The following NEK4 variants were observed in gnomAD, a reference collection of about 807,000 sequenced individuals.
The protein encoded by NEK4 is NIMA related kinase 4.
Under a neutral mutation model 98.4 loss-of-function variants are expected in NEK4, and 86 were observed. That is an observed-to-expected ratio of 0.87 (90% CI 0.73 to 1.05). The LOEUF is 1.05. Ranked by LOEUF, NEK4 falls within the 50% of genes least tolerant of loss-of-function variation. NEK4 has a pLI of 0.00. For synonymous variants in NEK4, 328 were observed against 342.2 expected (o/e 0.96, Z 0.46); for missense variants, 898 against 950.3 (o/e 0.94, Z 0.72).
intron 8 of NEK4, among the ~76,000 whole-genome samples, chr3:52,747,705 G>A (rs2097398630): frequency 6.6e-6 from 1 of 151,692 alleles, no homozygotes; most frequent in Non-Finnish European, 1.5e-5. Context: ...AACACTCTGG[G>A]AAGCCAAGTC....
At chr3:52,726,731 C>A (rs948983741) in intron 15 of NEK4, among the ~76,000 whole-genome samples, 4 of 151,808 alleles carry the variant, frequency 2.6e-5, no homozygotes, top group Non-Finnish European at 5.9e-5. Flanking sequence ...GATGGTGAAA[C>A]CCCGTCTCTA....
At chr3:52,741,322 T>C in intron 13 of NEK4, 89 bp downstream of exon 13, 1 of 732,486 alleles carries the variant, frequency 1.4e-6, no homozygotes, top group South Asian at 1.6e-5. Flanking sequence ...GTGGGAATAC[T>C]AGAGATCTAA....
intron 15 of NEK4, among the ~76,000 whole-genome samples, chr3:52,712,707 TC>T (rs1194445494): frequency 6.6e-6 from 1 of 152,094 alleles, no homozygotes; most frequent in African/African-American, 2.4e-5. Flanking sequence ...GACCGGGTTC[TC>T]CCCCAGCTAC....
chr3:52,770,077 G>T (rs1698719150), intron 1 of NEK4, among the ~76,000 whole-genome samples: 1 of 152,110 alleles, frequency 6.6e-6, no homozygotes, highest in South Asian at 2.1e-4. Flanking sequence ...ATCAGTGTTG[G>T]GGTGCGTGGG....
Position 52,763,562 on chromosome 3 carries a change from G to A in NEK4, c.729C>T (p.Ser243=). ...CAGACGGCCTTTCTTCAGGCCTTTT[G>A]CTCAGCATTGTTCTTATCAGTTCTG... ...ELAELIRTML[S]KRPEERPSVR... Residue 243 remains serine (S), a synonymous_variant, in exon 5 of 16, where the codon AGC becomes AGT. Coordinates refer to ENST00000233027, the MANE Select transcript of NEK4 (RefSeq NM_003157.6). 6.2e-7 allele frequency: 1 copy of A among 1,613,932 alleles called. No individual in the cohort carries two copies. Among genetic ancestry groups the A allele is most frequent in the Non-Finnish European group, 8.5e-7 (1 of 1,179,846 alleles).
chr3:52,747,454 C>CA (rs80245076), intron 8 of NEK4: 2,113 of 68,592 alleles, frequency 0.031, 16 homozygotes, highest in Middle Eastern at 0.066. Context: ...GACTCCATCT[C>CA]AAAAAAAAAA....
At chr3:52,751,595 T>C (rs2097405171) in intron 7 of NEK4, among the ~76,000 whole-genome samples, 1 of 151,010 alleles carries the variant, frequency 6.6e-6, no homozygotes, top group Non-Finnish European at 1.5e-5. Flanking sequence ...CAATCCAGCC[T>C]GGGAAACAAG....
intron 1 of NEK4, 98 bp downstream of exon 1, chr3:52,770,556 T>G: frequency 1.1e-6 from 1 of 877,296 alleles, no homozygotes; most frequent in African/African-American, 1.7e-5. Context: ...CCATCCGAGA[T>G]GAGCCTCTTG....
rs765561559 is a variant in NEK4, at chr3:52,743,384, G to A, written c.1972C>T (p.Arg658Ter). The A allele has an allele frequency of 8.1e-6, 13 of 1,613,920 alleles. No homozygotes were observed. The highest frequency in any genetic ancestry group is 4.0e-5 in the African/African-American group (3 of 74,908). The change falls in exon 12 of 16, where the codon CGA (arginine) becomes TGA (stop). Residue 658 changes from arginine to a stop codon, truncating the protein, a stop_gained. Coordinates refer to ENST00000233027, the MANE Select transcript of NEK4 (RefSeq NM_003157.6). LOFTEE classifies it high-confidence loss of function. ...PQEEDQPLPARRLSSDCSVTQ... is the reference protein window; with the variant it reads ...PQEEDQPLPA ...ACGCTGCAGTCAGAGGAGAGCCGTC[G>A]GGCAGGCAAGGGCTGGTCTTCTTCC...
intron 7 of NEK4, among the ~76,000 whole-genome samples, chr3:52,751,349 G>A (rs376900600): frequency 7.2e-5 from 11 of 151,878 alleles, no homozygotes; most frequent in African/African-American, 2.4e-4. Context: ...CCAGCTACTC[G>A]GGAGGCTGAC....
At position 52,743,372 on chromosome 3, in the gene NEK4, A is replaced by T; in HGVS notation, c.1984T>A (p.Ser662Thr). ...TGCACCTGAGTGACGCTGCAGTCAGAGGAGAGCCGTCGGGCAGGCAAGGGC... is the reference window on the plus strand; with the variant it reads ...TGCACCTGAGTGACGCTGCAGTCAGTGGAGAGCCGTCGGGCAGGCAAGGGC... The part of the protein sequence containing the change: ...DQPLPARRLS[S>T]DCSVTQERKQ... The change falls in exon 12 of 16, where the codon TCT (serine) becomes ACT (threonine). Residue 662 changes from serine (S) to threonine (T), a missense_variant. Physicochemically the swap from Ser to Thr is moderately conservative, Grantham distance 58. Coordinates refer to ENST00000233027, the MANE Select transcript of NEK4 (RefSeq NM_003157.6). 6.2e-7 allele frequency: 1 copy of T among 1,614,038 alleles called. No homozygotes were observed. The highest frequency in any genetic ancestry group is 8.5e-7 in the Non-Finnish European group (1 of 1,179,914).
intron 6 of NEK4, chr3:52,753,499 T>A (rs549330275): frequency 2.6e-4 from 113 of 430,750 alleles, no homozygotes; most frequent in African/African-American, 2.1e-3. Context: ...GACATACTAC[T>A]GAATTTCTTT....
intron 15 of NEK4, among the ~76,000 whole-genome samples, chr3:52,730,149 T>C (rs988145186): frequency 2.6e-5 from 4 of 152,120 alleles, no homozygotes; most frequent in African/African-American, 9.7e-5. Context: ...AAGAGAACTA[T>C]GAACAATTGT....
chr3:52,768,675 G>A (rs988683030), intron 1 of NEK4, 71 bp from the exon 2 acceptor site: 17 of 1,477,618 alleles, frequency 1.2e-5, no homozygotes, highest in African/African-American at 8.3e-5. Context: ...GTTATCTAAG[G>A]GCTCTCAAGA....
At chr3:52,747,875 G>A (rs2097398939) in intron 8 of NEK4, among the ~76,000 whole-genome samples, 1 of 151,924 alleles carries the variant, frequency 6.6e-6, no homozygotes, top group South Asian at 2.1e-4. Flanking sequence ...AGTCCAGGAG[G>A]TCAAGGCTAC....
intron 6 of NEK4, 41 bp downstream of exon 6, chr3:52,760,754 G>C: frequency 3.4e-6 from 5 of 1,470,548 alleles, no homozygotes; most frequent in Non-Finnish European, 4.7e-6. Flanking sequence ...ATTTTTCTAA[G>C]TGCAGTTTCT....
At position 52,741,475 on chromosome 3, in the gene NEK4, A is replaced by G. The variant is rs576529016; in HGVS notation, c.2029T>C (p.Ser677Pro). 7.5e-6 allele frequency: 12 copies of G among 1,607,526 alleles called. No individual in the cohort carries two copies. Among genetic ancestry groups the G allele is most frequent in the Admixed American group, 1.7e-5 (1 of 59,982 alleles). ...TQERKQIHCL[S>P]EDELSSSTSS... ...GTAGAAGAACTTAACTCATCCTCAG[A>G]CAGACAATGAATCTGTTTCCTTTCC... Residue 677 changes from serine (S) to proline (P), a missense_variant, in exon 13 of 16, where the codon TCT (serine) becomes CCT (proline). Physicochemically the swap from Ser to Pro is moderately conservative, Grantham distance 74. Coordinates refer to ENST00000233027, the MANE Select transcript of NEK4 (RefSeq NM_003157.6).
chr3:52,726,479 GT>G (rs1048815759), intron 15 of NEK4, among the ~76,000 whole-genome samples: 4 of 151,806 alleles, frequency 2.6e-5, no homozygotes, highest in Non-Finnish European at 5.9e-5. Context: ...GGCACCTGTA[GT>G]CCCAGCTACT....
At chr3:52,769,129 G>A (rs542887212) in intron 1 of NEK4, among the ~76,000 whole-genome samples, 1 of 152,212 alleles carries the variant, frequency 6.6e-6, no homozygotes, top group East Asian at 1.9e-4. Context: ...TGACACAGGA[G>A]AATTGCTTGA....
Sources: allele counts gnomAD v4.1 joint callset (sites outside exome capture counted in the v4.1 genomes callset), GRCh38; gene constraint gnomAD v4.1.1; transcripts MANE v1.5; gene names NCBI Gene and HGNC (gene_info 2026-07-23, HGNC 2026-07-21).